The following BPTF variants were observed in gnomAD, a reference collection of about 807,000 sequenced individuals.
BPTF encodes the protein nucleosome-remodeling factor subunit BPTF.
In BPTF, 18 loss-of-function variants were observed where a neutral mutation model predicts 292.5. That is an observed-to-expected ratio of 0.06 (90% CI 0.04 to 0.09). BPTF has a LOEUF of 0.09. BPTF is among the 10% of genes least tolerant of loss of function. The pLI is 1.00. For synonymous variants in BPTF, 1,225 were observed against 1,251.9 expected (o/e 0.98, Z 0.45); for missense variants, 2,726 against 3,498.7 (o/e 0.78, Z 5.57).
chr17:67,973,266 C>T (rs1192032297), intron 26 of BPTF, among the ~76,000 whole-genome samples: 3 of 150,152 alleles, frequency 2.0e-5, no homozygotes, highest in Admixed American at 1.3e-4. Context: ...CCTAGCTACT[C>T]CAGAGGCTGA....
chr17:67,922,988 G>A lies in BPTF; in HGVS notation c.5706G>A (p.Glu1902=). The part of the protein sequence containing the change: ...LELWEIRAFA[E]RVEKEKAQAV... ...TGTGGGAGATCAGGGCATTTGCTGA[G>A]AGGTAAGGAAATGGTTAATACCTGG... The change falls in exon 14 of 28, where the codon GAG becomes GAA. Residue 1902 remains glutamate, a splice_region_variant and synonymous_variant. Coordinates refer to ENST00000306378, the MANE Select transcript of BPTF (RefSeq NM_182641.4). 6.2e-7 allele frequency: 1 copy of A among 1,612,878 alleles called. No individual in the cohort carries two copies. Among genetic ancestry groups the A allele is most frequent in the Non-Finnish European group, 8.5e-7 (1 of 1,179,644 alleles).
chr17:67,929,970 G>A (rs2064229786), intron 17 of BPTF, among the ~76,000 whole-genome samples: 1 of 151,906 alleles, frequency 6.6e-6, no homozygotes, highest in Non-Finnish European at 1.5e-5. Context: ...ACAGAAATTA[G>A]CCAGGCGTGG....
chr17:67,829,482 G>A (rs774768255), intron 1 of BPTF, among the ~76,000 whole-genome samples: 8 of 105,072 alleles, frequency 7.6e-5, no homozygotes, highest in Non-Finnish European at 1.1e-4. Flanking sequence ...CCCACCCCCC[G>A]GATGTGACAT....
chr17:67,878,668 G>A (rs9914590), intron 4 of BPTF, among the ~76,000 whole-genome samples: 53 of 144,054 alleles, frequency 3.7e-4, no homozygotes, highest in African/African-American at 7.4e-4. Context: ...GATGTTGAGC[G>A]TCTTTATGTG....
At chr17:67,853,047 A>T (rs1423466422) in intron 1 of BPTF, among the ~76,000 whole-genome samples, 1 of 152,086 alleles carries the variant, frequency 6.6e-6, no homozygotes, top group South Asian at 2.1e-4. Flanking sequence ...GAGGCAGGAG[A>T]CTCACTTGAA....
chr17:67,916,286 C>G (rs1295493967), intron 11 of BPTF, among the ~76,000 whole-genome samples: 1 of 152,062 alleles, frequency 6.6e-6, no homozygotes, highest in Admixed American at 6.5e-5. Context: ...TTCATTTTTC[C>G]AACTGAATGC....
At chr17:67,947,658 G>GTTGT (rs1264307316) in intron 21 of BPTF, 68 bp from the exon 22 acceptor site, 22 of 1,191,868 alleles carry the variant, frequency 1.8e-5, no homozygotes, top group Non-Finnish European at 2.6e-5. Context: ...AATTTCTACT[G>GTTGT]TTGTTATCTG....
chr17:67,912,124 C>T lies in BPTF; in HGVS notation c.4240C>T (p.Pro1414Ser), dbSNP rs1309494659. The T allele has an allele frequency of 1.2e-6, 2 of 1,610,008 alleles. No individual in the cohort carries two copies. Among genetic ancestry groups the T allele is most frequent in the East Asian group, 2.2e-5 (1 of 44,866 alleles). Residue 1414 changes from proline (P) to serine (S), a missense_variant, in exon 11 of 28, where the codon CCC (proline) becomes TCC (serine). By Grantham distance (74) the Pro-to-Ser change is moderately conservative (BLOSUM62 -1). Around this residue, in one of 22 missense-constraint regions of BPTF, gnomAD observed 713 missense variants for 714.9 expected, o/e 1.00. Transcript: ENST00000306378. ...TCAAATAAATGGAAAAGATAATAAA[C>T]CCAAAATATATTTGAAAGGTGAATG... ...TFQINGKDNK[P>S]KIYLKGECLK...
intron 16 of BPTF, chr17:67,929,028 A>G: frequency 1.6e-6 from 2 of 1,219,978 alleles, no homozygotes; most frequent in African/African-American, 1.5e-5. Flanking sequence ...ATTACAGGCA[A>G]TCCAGTCACT....
intron 26 of BPTF, among the ~76,000 whole-genome samples, chr17:67,970,506 T>C (rs2068649143): frequency 6.6e-6 from 1 of 152,208 alleles, no homozygotes; most frequent in Admixed American, 6.5e-5. Context: ...TAAAACGTAT[T>C]GTTGGGAAAA....
chr17:67,831,970 C>T (rs1431804932), intron 1 of BPTF, among the ~76,000 whole-genome samples: 1 of 152,180 alleles, frequency 6.6e-6, no homozygotes, highest in Non-Finnish European at 1.5e-5. Flanking sequence ...CGGTTCACTG[C>T]AACCTCCACC....
intron 26 of BPTF, among the ~76,000 whole-genome samples, chr17:67,967,254 G>A (rs1376696390): frequency 6.7e-6 from 1 of 148,708 alleles, no homozygotes; most frequent in Middle Eastern, 3.5e-3. Context: ...CAATTCTCCT[G>A]CCTCAGCCTC....
chr17:67,825,616 TCCCGCCCGGCCCCGCGGGCCTC>T lies in BPTF; in HGVS notation c.-105_-84del. ...CACCCGCTTCCGTCGGCCGGGCCCC[TCCCGCCCGGCCCCGCGGGCCTC>T]CCCACCCGGCCCCGGCGCTCCCCAC... is the stretch of plus-strand genomic sequence containing the variant. On this transcript the variant is annotated 5_prime_UTR_variant, in exon 1 of 28. Transcript: ENST00000306378. 4.1e-6 allele frequency: 1 copy of T among 244,084 alleles called. No individual in the cohort carries two copies. Among genetic ancestry groups the T allele is most frequent in the Non-Finnish European group, 8.3e-6 (1 of 120,106 alleles). The allele number at this position is 244,084 out of a possible 1,614,324, so 15.1% of individuals were successfully genotyped here. A position where few individuals can be genotyped will look rare whatever the true frequency, so the allele number is the denominator to read the frequency against.
At chr17:67,899,599 C>T (rs1328817122) in intron 7 of BPTF, among the ~76,000 whole-genome samples, 1 of 148,866 alleles carries the variant, frequency 6.7e-6, no homozygotes. Flanking sequence ...GGTGCAATCT[C>T]AGCTCACTGC....
rs1333034729 is a variant in BPTF at position 67,982,561 on chromosome 17, GAAA to G, written c.*276_*278del. 2.8e-5 allele frequency: 9 copies of G among 323,902 alleles called. No individual in the cohort carries two copies. Among genetic ancestry groups the G allele is most frequent in the Non-Finnish European group, 4.5e-5 (8 of 177,686 alleles). The allele number at this position is 323,902 out of a possible 1,614,324, so 20.1% of individuals were successfully genotyped here. ...AAAACTTTGTTTATTGAAAAAAAAA[GAAA>G]AAGAAAGCAAGAAAAAAAGATACTA... On this transcript the variant is annotated 3_prime_UTR_variant, in exon 28 of 28. Transcript: ENST00000306378.
At position 67,826,071 on chromosome 17, in the gene BPTF, C is replaced by T. The variant is rs535044085; in HGVS notation, c.347C>T (p.Ala116Val). Residue 116 changes from alanine to valine, a missense_variant, in exon 1 of 28, where the codon GCG becomes GTG. Coordinates refer to ENST00000306378, the MANE Select transcript of BPTF (RefSeq NM_182641.4). Reference protein sequence around the residue: ...GGGGHLARTTAARRAVNKVVY... With the variant: ...GGGGHLARTTVARRAVNKVVY... ...GGCGGCCACCTGGCCCGGACCACCG[C>T]GGCCCGGAGGGCCGTCAACAAAGTG... The T allele has an allele frequency of 8.6e-5, 110 of 1,279,546 alleles. No homozygotes were observed. In the South Asian group the frequency reaches 1.6e-3, roughly 19 times the overall value. The allele number at this position is 1,279,546 out of a possible 1,614,324, so 79.3% of individuals were successfully genotyped here. A position where few individuals can be genotyped will look rare whatever the true frequency, so the allele number is the denominator to read the frequency against.
chr17:67,872,392 T>C (rs1169627646), intron 3 of BPTF, among the ~76,000 whole-genome samples: 1 of 152,100 alleles, frequency 6.6e-6, no homozygotes, highest in East Asian at 1.9e-4. Flanking sequence ...TACAATGATT[T>C]GGTTAAGAAA....
chr17:67,969,674 G>C (rs1202373811), intron 26 of BPTF, among the ~76,000 whole-genome samples: 1 of 151,222 alleles, frequency 6.6e-6, no homozygotes, highest in African/African-American at 2.4e-5. Context: ...GTTTGTTTTT[G>C]TTTTTTTTAA....
At chr17:67,923,459 C>T (rs192846148) in intron 14 of BPTF, among the ~76,000 whole-genome samples, 1 of 142,884 alleles carries the variant, frequency 7.0e-6, no homozygotes, top group East Asian at 2.2e-4. Flanking sequence ...TAGTAAGGTC[C>T]TCTCTCTCTG....
Sources: gnomAD v4.1 joint callset for allele counts (sites outside exome capture counted in the v4.1 genomes callset) on GRCh38, gnomAD v4.1.1 for gene constraint, gnomAD v4.1.1 regional missense constraint, MANE v1.5 for transcripts, NCBI Gene and HGNC (gene_info 2026-07-23, HGNC 2026-07-21) for gene names.